ANO2: variants seen among roughly 807,000 people sequenced by gnomAD.
ANO2 encodes anoctamin 2.
A neutral mutation model predicts 124.2 loss-of-function variants in ANO2; 101 were observed. That is an observed-to-expected ratio of 0.81 (90% CI 0.69 to 0.96). ANO2 has a LOEUF of 0.96. ANO2 is among the 40% of genes least tolerant of loss of function. The pLI is 0.00. For missense variants in ANO2, 1,293 were observed against 1,274.5 expected (o/e 1.01, Z -0.22); for synonymous variants, 486 against 482.5 (o/e 1.01, Z -0.09).
In ANO2 at chr12:5,593,106, G is replaced by T. The variant is rs1022077027; in HGVS notation, c.2233+6378C>A. Among the ~76,000 whole-genome samples, 84 of 152,166 alleles carry T rather than the reference G, an allele frequency of 5.5e-4. 1 individual carries two copies. Among genetic ancestry groups the T allele is most frequent in the Admixed American group, 5.5e-3 (84 of 15,266 alleles). On this transcript the variant is annotated intron_variant, in intron 20 of 24. Coordinates refer to ENST00000682330, the MANE Select transcript of ANO2 (RefSeq NM_001364791.2). Reference sequence around the variant, plus strand: ...ATGAATAAGTAAACATGCAATCATGGATGCACTTCCCTTTCTGTGAGGGTT... The same window carrying T: ...ATGAATAAGTAAACATGCAATCATGTATGCACTTCCCTTTCTGTGAGGGTT...
At chr12:5,781,672 T>A (rs1952399402) in intron 10 of ANO2, among the ~76,000 whole-genome samples, 1 of 152,122 alleles carries the variant, frequency 6.6e-6, no homozygotes, top group Admixed American at 6.6e-5. Context: ...AAAAGAATTG[T>A]ACATAAATGC....
chr12:5,794,515 C>G (rs1288823920), intron 10 of ANO2, among the ~76,000 whole-genome samples: 1 of 152,240 alleles, frequency 6.6e-6, no homozygotes, highest in Non-Finnish European at 1.5e-5. Flanking sequence ...AAGACACACT[C>G]TTTCACCTCA....
chr12:5,921,128 T>G lies in ANO2; in HGVS notation c.446A>C (p.Asp149Ala), dbSNP rs1194505096. The change falls in exon 3 of 25, where the codon GAT (aspartate) becomes GCT (alanine). Residue 149 changes from aspartate (D) to alanine (A), a missense_variant. Asp to Ala is a moderately radical substitution (Grantham distance 126). Transcript: ENST00000682330. ...CTCCTTCCTCTCCTCCTCCAGGGCA[T>G]CGAGCGGTCCCAGCTCAATGTCACC... Reference protein sequence around the residue: ...GPGDIELGPLDALEEERKEQR... With the variant: ...GPGDIELGPLAALEEERKEQR... 6.2e-7 allele frequency: 1 copy of G among 1,613,994 alleles called. No homozygotes were observed. The highest frequency in any genetic ancestry group is 8.5e-7 in the Non-Finnish European group (1 of 1,179,896).
chr12:5,649,100 G>C lies in ANO2; in HGVS notation c.1546-1299C>G, dbSNP rs189327702. 4.6e-5 allele frequency among the ~76,000 whole-genome samples: 7 copies of C among 152,280 alleles called. No homozygotes were observed. The East Asian group carries it at 1.2e-3, about 25-fold the overall frequency. On this transcript the variant is annotated intron_variant, in intron 14 of 24. Coordinates refer to ENST00000682330, the MANE Select transcript of ANO2 (RefSeq NM_001364791.2). Reference sequence around the variant, plus strand: ...TACTCCTGGGGAGCTCACAGGCTAAGGAAACAGAGATGACACCCACACACC... The same window carrying C: ...TACTCCTGGGGAGCTCACAGGCTAACGAAACAGAGATGACACCCACACACC...
chr12:5,850,046 C>T (rs932476639), intron 4 of ANO2, among the ~76,000 whole-genome samples: 1 of 152,146 alleles, frequency 6.6e-6, no homozygotes, highest in Non-Finnish European at 1.5e-5. Context: ...ACCCAGCATA[C>T]CAAGTTATAT....
intron 14 of ANO2, among the ~76,000 whole-genome samples, chr12:5,714,219 C>A (rs937739225): frequency 6.6e-6 from 1 of 152,218 alleles, no homozygotes; most frequent in Non-Finnish European, 1.5e-5. Flanking sequence ...TAGCCAAATT[C>A]ACATTAGACC....
chr12:5,644,266 T>G (rs1946525824), intron 15 of ANO2, among the ~76,000 whole-genome samples: 1 of 152,244 alleles, frequency 6.6e-6, no homozygotes, highest in Non-Finnish European at 1.5e-5. Flanking sequence ...AAGCACTTAC[T>G]GAGAAGTTCA....
At chr12:5,694,251 C>CAGACAGAGAGAGAGAGAGAGAGAG (rs1555137018) in intron 14 of ANO2, among the ~76,000 whole-genome samples, 33 of 133,962 alleles carry the variant, frequency 2.5e-4, no homozygotes, top group African/African-American at 8.8e-4. Context: ...TTACCAGAGA[C>CAGACAGAGAGAGAGAGAGAGAGAG]AGAGAGAGAG....
At chr12:5,796,702 TG>T (rs1174026522) in intron 10 of ANO2, among the ~76,000 whole-genome samples, 1 of 152,140 alleles carries the variant, frequency 6.6e-6, no homozygotes, top group African/African-American at 2.4e-5. Context: ...TGCAGCCGGG[TG>T]GAGGCAGGGG....
chr12:5,714,434 C>T (rs1367403443), intron 14 of ANO2, among the ~76,000 whole-genome samples: 3 of 152,188 alleles, frequency 2.0e-5, no homozygotes, highest in Admixed American at 6.5e-5. Flanking sequence ...CCAAGCACCA[C>T]GACTGACAAG....
intron 3 of ANO2, among the ~76,000 whole-genome samples, chr12:5,920,361 C>T (rs1423441852): frequency 2.0e-5 from 3 of 152,170 alleles, no homozygotes; most frequent in Non-Finnish European, 4.4e-5. Context: ...GAAACTAGGT[C>T]TTCCTCCCAA....
chr12:5,819,734 A>G (rs1473808488), intron 7 of ANO2, among the ~76,000 whole-genome samples: 2 of 152,188 alleles, frequency 1.3e-5, no homozygotes, highest in African/African-American at 4.8e-5. Flanking sequence ...GCATCTTTGA[A>G]GGGCCCTATA....
intron 3 of ANO2, among the ~76,000 whole-genome samples, chr12:5,916,251 T>C (rs1941367067): frequency 6.6e-6 from 1 of 152,094 alleles, no homozygotes; most frequent in South Asian, 2.1e-4. Context: ...CAATCCAGCC[T>C]GGGTGACAGA....
Position 5,787,240 on chromosome 12 carries a change from A to G in ANO2, c.1055+12267T>C, listed in dbSNP as rs972837635. 3.3e-5 allele frequency among the ~76,000 whole-genome samples: 5 copies of G among 152,186 alleles called. No individual in the cohort carries two copies. The highest frequency in any genetic ancestry group is 1.2e-4 in the African/African-American group (5 of 41,440). On this transcript the variant is annotated intron_variant, in intron 10 of 24. Coordinates refer to ENST00000682330, the MANE Select transcript of ANO2 (RefSeq NM_001364791.2). The surrounding 1 kb of genome is among the most constrained non-coding windows in gnomAD (Gnocchi z 4.2). ...CAGCCAGAAGAACCCCTGATCCTTC[A>G]ACTGATGACAATGGGCCATGCCAGC...
chr12:5,798,135 G>A (rs1952925921), intron 10 of ANO2, among the ~76,000 whole-genome samples: 1 of 152,128 alleles, frequency 6.6e-6, no homozygotes, highest in South Asian at 2.1e-4. Flanking sequence ...TTGAGATCCA[G>A]AGAGAAAGAT....
chr12:5,568,466 T>C (rs886167989), intron 23 of ANO2, among the ~76,000 whole-genome samples: 6 of 152,160 alleles, frequency 3.9e-5, no homozygotes, highest in Non-Finnish European at 5.9e-5. Flanking sequence ...TAATGAACCA[T>C]GACTCATAGT....
At chr12:5,894,730 C>G (rs1939652609) in intron 3 of ANO2, among the ~76,000 whole-genome samples, 2 of 152,170 alleles carry the variant, frequency 1.3e-5, no homozygotes, top group Non-Finnish European at 2.9e-5. Context: ...TTTCCCAACA[C>G]CATTTATTAA....
At chr12:5,628,073 C>T (rs765979772) in intron 16 of ANO2, among the ~76,000 whole-genome samples, 17 of 152,140 alleles carry the variant, frequency 1.1e-4, no homozygotes, top group Non-Finnish European at 2.4e-4. Flanking sequence ...GCACCCCAGT[C>T]GGGGCAACAG....
At chr12:5,879,204 C>T (rs896635389) in intron 3 of ANO2, among the ~76,000 whole-genome samples, 1 of 152,156 alleles carries the variant, frequency 6.6e-6, no homozygotes, top group African/African-American at 2.4e-5. Flanking sequence ...TCCACATAAA[C>T]AATTTTTTCT....
Sources: gnomAD v4.1 joint callset for allele counts (sites outside exome capture counted in the v4.1 genomes callset) on GRCh38, gnomAD v4.1.1 for gene constraint, Gnocchi (gnomAD v3.1) non-coding constraint, MANE v1.5 for transcripts, NCBI Gene and HGNC (gene_info 2026-07-23, HGNC 2026-07-21) for gene names.